Variants in RBMS3 observed in about 807,000 individuals in gnomAD.
RBMS3 encodes RNA binding motif single stranded interacting protein 3.
A neutral mutation model predicts 66.8 loss-of-function variants in RBMS3; 27 were observed. The ratio of observed to expected loss-of-function variants is 0.40; its 90% confidence interval spans 0.30 to 0.56. The LOEUF (loss-of-function observed/expected upper bound fraction) is 0.56, where lower values mean the gene tolerates loss of function less well. Among genes scored for constraint, RBMS3 ranks in the 20% least tolerant of loss-of-function variants. RBMS3 has a pLI of 0.40. For missense variants in RBMS3, 513 were observed against 549.5 expected, an observed-to-expected ratio of 0.93 and a Z score of 0.66; for synonymous variants, 188 against 183.0, an observed-to-expected ratio of 1.03 and a Z score of -0.22.
chr3:29,482,697 C>CTTTTTTTTTTT lies in RBMS3; in HGVS notation c.249-5741_249-5740insTTTTTTTTTTT, dbSNP rs1216159878. The stretch of plus-strand genomic sequence containing the variant: ...ACACAGTCTACCATTTTCTTTCTTT[C>CTTTTTTTTTTT]TTTCTTTTTTTTTTTTTTTTTTTTT... On this transcript the variant is annotated intron_variant, in intron 2 of 14. Transcript: ENST00000383767. 2.3e-4 allele frequency among the ~76,000 whole-genome samples: 21 copies of CTTTTTTTTTTT among 92,920 alleles called. 1 individual carries two copies. The highest frequency in any genetic ancestry group is 2.9e-4 in the Non-Finnish European group (14 of 48,532). The allele number at this position is 92,920 out of a possible 152,430, so 61.0% of individuals were successfully genotyped here. A position where few individuals can be genotyped will look rare whatever the true frequency, so the allele number is the denominator to read the frequency against.
intron 1 of RBMS3, among the ~76,000 whole-genome samples, chr3:29,285,313 A>G (rs1445165584): frequency 6.6e-6 from 1 of 151,808 alleles, no homozygotes; most frequent in African/African-American, 2.4e-5. Flanking sequence ...CAAGCTAGGT[A>G]AGCTAAAAAG....
intron 8 of RBMS3, among the ~76,000 whole-genome samples, chr3:29,884,521 T>C (rs527833121): frequency 7.6e-6 from 1 of 130,916 alleles, no homozygotes; most frequent in African/African-American, 2.9e-5. Flanking sequence ...GGAGAACAGG[T>C]AAAGCTAGGC....
chr3:29,529,194 A>G (rs1241866021), intron 3 of RBMS3, among the ~76,000 whole-genome samples: 1 of 152,218 alleles, frequency 6.6e-6, no homozygotes, highest in East Asian at 1.9e-4. Flanking sequence ...GAGTGTATTT[A>G]TTGATCTATT....
chr3:29,909,963 A>T (rs2060476724), intron 10 of RBMS3, among the ~76,000 whole-genome samples: 1 of 152,126 alleles, frequency 6.6e-6, no homozygotes, highest in East Asian at 1.9e-4. Context: ...TCAATCATAC[A>T]TGATCTCCAG....
intron 6 of RBMS3, among the ~76,000 whole-genome samples, chr3:29,827,353 A>G (rs2058236882): frequency 6.6e-6 from 1 of 152,236 alleles, no homozygotes; most frequent in African/African-American, 2.4e-5. Flanking sequence ...TTTCAGGGCC[A>G]TATGAATGTG....
At chr3:29,931,165 T>A (rs931703565) in intron 10 of RBMS3, among the ~76,000 whole-genome samples, 2 of 151,920 alleles carry the variant, frequency 1.3e-5, no homozygotes, top group Non-Finnish European at 2.9e-5. Flanking sequence ...GAAAAATGAG[T>A]GGTACTGATA....
intron 6 of RBMS3, among the ~76,000 whole-genome samples, chr3:29,822,951 A>G (rs2058110084): frequency 6.6e-6 from 1 of 152,194 alleles, no homozygotes; most frequent in Non-Finnish European, 1.5e-5. Context: ...GCTTAGTAAA[A>G]TGTGATACTT....
intron 3 of RBMS3, among the ~76,000 whole-genome samples, chr3:29,499,446 A>C (rs973094196): frequency 3.3e-5 from 5 of 152,224 alleles, no homozygotes; most frequent in Non-Finnish European, 7.4e-5. Context: ...TGAATGTACC[A>C]CTTGATATGC....
rs377648680 is a variant in RBMS3 at position 29,898,281 on chromosome 3, T to G, written c.888+806T>G. Among the ~76,000 whole-genome samples, 5 of 151,726 alleles carry G rather than the reference T, an allele frequency of 3.3e-5. No homozygotes were observed. The East Asian group carries it at 9.7e-4, about 30-fold the overall frequency. On this transcript the variant is annotated intron_variant, in intron 9 of 14. Transcript: ENST00000383767. ...CTATATATATGCTGCACGTAGAAAG[T>G]GTCTAGTGTCATTTCTTAAAAGTTT... is the stretch of plus-strand genomic sequence containing the variant.
rs545730115 is a variant in RBMS3 at position 29,865,106 on chromosome 3, G to GAGGAAGGAAGGAAGGA, written c.638-3738_638-3723dup. On this transcript the variant is annotated intron_variant, in intron 6 of 14. Coordinates refer to ENST00000383767, the MANE Select transcript of RBMS3 (RefSeq NM_001003793.3). ...GAAGAAAGGAAGGGAGGGAGGGAGG[G>GAGGAAGGAAGGAAGGA]AGGAAGGAAGGAAGGAAGGAAGGAA... 1.3e-3 allele frequency among the ~76,000 whole-genome samples: 163 copies of GAGGAAGGAAGGAAGGA among 127,190 alleles called. 4 individuals are homozygous for GAGGAAGGAAGGAAGGA. Among genetic ancestry groups the GAGGAAGGAAGGAAGGA allele is most frequent in the African/African-American group, 3.4e-3 (103 of 30,206 alleles). The allele number at this position is 127,190 out of a possible 152,430, so 83.4% of individuals were successfully genotyped here. A position where few individuals can be genotyped will look rare whatever the true frequency, so the allele number is the denominator to read the frequency against.
At chr3:29,660,485 A>G (rs931301041) in intron 4 of RBMS3, among the ~76,000 whole-genome samples, 1 of 152,114 alleles carries the variant, frequency 6.6e-6, no homozygotes, top group Non-Finnish European at 1.5e-5. Flanking sequence ...CCATTCCACC[A>G]ATCTATGTCT....
At chr3:29,967,629 A>T (rs944611126) in intron 12 of RBMS3, among the ~76,000 whole-genome samples, 1 of 152,160 alleles carries the variant, frequency 6.6e-6, no homozygotes, top group African/African-American at 2.4e-5. Flanking sequence ...TTTTTTAATT[A>T]CTGTTTCAAT....
chr3:29,994,001 G>A (rs1699052195), intron 14 of RBMS3, among the ~76,000 whole-genome samples: 1 of 152,168 alleles, frequency 6.6e-6, no homozygotes, highest in Non-Finnish European at 1.5e-5. Context: ...GGTGATTTCT[G>A]CATTTCCATC....
At chr3:29,484,811 C>A (rs1295892785) in intron 2 of RBMS3, among the ~76,000 whole-genome samples, 5 of 152,106 alleles carry the variant, frequency 3.3e-5, no homozygotes, top group African/African-American at 4.8e-5. Context: ...TAGAAGTAGG[C>A]AAACAACCAC....
At chr3:29,975,656 T>C (rs1697536296) in intron 12 of RBMS3, among the ~76,000 whole-genome samples, 1 of 151,992 alleles carries the variant, frequency 6.6e-6, no homozygotes, top group Admixed American at 6.6e-5. Context: ...GTGAGATCCC[T>C]TGTAGTCTCT....
intron 6 of RBMS3, among the ~76,000 whole-genome samples, chr3:29,822,547 C>T (rs1269090598): frequency 3.9e-5 from 6 of 152,000 alleles, no homozygotes; most frequent in East Asian, 3.9e-4. Flanking sequence ...TTTTGGCTTT[C>T]GATTGAGTTT....
At chr3:29,658,266 A>C (rs2149223883) in intron 4 of RBMS3, among the ~76,000 whole-genome samples, 1 of 152,310 alleles carries the variant, frequency 6.6e-6, no homozygotes, top group Non-Finnish European at 1.5e-5. Flanking sequence ...GAGAGAAGAA[A>C]ACCATCTTCT....
chr3:29,808,349 C>G (rs556835390), intron 6 of RBMS3, among the ~76,000 whole-genome samples: 1 of 151,900 alleles, frequency 6.6e-6, no homozygotes, highest in East Asian at 1.9e-4. Flanking sequence ...TTTCTTTTTG[C>G]CTATTAATGT....
intron 6 of RBMS3, among the ~76,000 whole-genome samples, chr3:29,858,589 A>G (rs1439337140): frequency 2.0e-5 from 3 of 152,190 alleles, no homozygotes; most frequent in African/African-American, 7.2e-5. Flanking sequence ...TTGGTGTCAA[A>G]ACATTGCCTT....
Sources: allele counts gnomAD v4.1 joint callset (sites outside exome capture counted in the v4.1 genomes callset), GRCh38; gene constraint gnomAD v4.1.1; transcripts MANE v1.5; gene names NCBI Gene and HGNC (gene_info 2026-07-23, HGNC 2026-07-21).